The following L3MBTL4 variants were observed in gnomAD, a reference collection of about 807,000 sequenced individuals.
L3MBTL4 encodes the protein L3MBTL histone methyl-lysine binding protein 4, also known as lethal(3)malignant brain tumor-like protein 4.
Under a neutral mutation model 84.5 loss-of-function variants are expected in L3MBTL4, and 70 were observed. That is an observed-to-expected ratio of 0.83 (90% CI 0.68 to 1.01). L3MBTL4 has a LOEUF of 1.01. L3MBTL4 is among the 50% of genes least tolerant of loss of function. The probability of loss-of-function intolerance (pLI) is 0.00; values close to 1 mark genes in which losing one functional copy is unlikely to be tolerated. For missense variants in L3MBTL4, 715 were observed against 754.8 expected, an observed-to-expected ratio of 0.95 and a Z score of 0.62; for synonymous variants, 274 against 259.8, an observed-to-expected ratio of 1.05 and a Z score of -0.52.
At chr18:6,010,556 A>T (rs775330400) in intron 16 of L3MBTL4, among the ~76,000 whole-genome samples, 13 of 152,194 alleles carry the variant, frequency 8.5e-5, no homozygotes, top group Non-Finnish European at 1.8e-4. Flanking sequence ...TTTCTCCTGT[A>T]TGACAGATCT....
intron 1 of L3MBTL4, among the ~76,000 whole-genome samples, chr18:6,413,682 G>T (rs2144782021): frequency 6.6e-6 from 1 of 152,284 alleles, no homozygotes; most frequent in South Asian, 2.1e-4. Context: ...CCAGGAGATG[G>T]GCCACCAGCA....
chr18:6,182,400 GTTGT>G (rs2044515693), intron 12 of L3MBTL4, among the ~76,000 whole-genome samples: 1 of 152,110 alleles, frequency 6.6e-6, no homozygotes, highest in African/African-American at 2.4e-5. Flanking sequence ...TTTTAATGGG[GTTGT>G]TTGATTGTTT....
chr18:6,192,124 G>C (rs1214171608), intron 12 of L3MBTL4, among the ~76,000 whole-genome samples: 2 of 152,182 alleles, frequency 1.3e-5, no homozygotes, highest in African/African-American at 4.8e-5. Flanking sequence ...AAACAACGAA[G>C]AGAATGCGGT....
At chr18:6,362,943 G>GC (rs1170579486) in intron 1 of L3MBTL4, among the ~76,000 whole-genome samples, 2 of 152,260 alleles carry the variant, frequency 1.3e-5, no homozygotes, top group Non-Finnish European at 1.5e-5. Context: ...ATACTCTGAT[G>GC]CCCGCGGAAA....
chr18:6,208,892 CA>C (rs1352444038), intron 12 of L3MBTL4, among the ~76,000 whole-genome samples: 1 of 152,158 alleles, frequency 6.6e-6, no homozygotes, highest in African/African-American at 2.4e-5. Context: ...ACTCAACTGC[CA>C]ATGAACCACA....
chr18:6,368,464 G>A (rs1187597818), intron 1 of L3MBTL4, among the ~76,000 whole-genome samples: 1 of 152,170 alleles, frequency 6.6e-6, no homozygotes, highest in East Asian at 1.9e-4. Context: ...GTAGACAGCT[G>A]CTGAGTGTGT....
intron 16 of L3MBTL4, among the ~76,000 whole-genome samples, chr18:6,061,598 G>C (rs2057222971): frequency 6.6e-6 from 1 of 151,754 alleles, no homozygotes; most frequent in Admixed American, 6.6e-5. Context: ...TTATCTTCTA[G>C]AAATTTTATT....
At chr18:6,131,504 T>C (rs1179524360) in intron 14 of L3MBTL4, among the ~76,000 whole-genome samples, 1 of 152,154 alleles carries the variant, frequency 6.6e-6, no homozygotes, top group Non-Finnish European at 1.5e-5. Flanking sequence ...TAAAGGTACA[T>C]ATCTATGACA....
intron 1 of L3MBTL4, among the ~76,000 whole-genome samples, chr18:6,370,151 A>AAG (rs1229125765): frequency 0.012 from 1,760 of 150,772 alleles, 36 homozygotes; most frequent in African/African-American, 0.041. Context: ...AAAAAAAAAA[A>AAG]AAAGAAAGCA....
chr18:6,126,307 A>G (rs2059692761), intron 14 of L3MBTL4, among the ~76,000 whole-genome samples: 3 of 152,170 alleles, frequency 2.0e-5, no homozygotes, highest in Admixed American at 2.0e-4. Context: ...TATAATTGCA[A>G]TATTTCTAAC....
chr18:5,956,316 G>T lies in L3MBTL4; in HGVS notation c.1749C>A (p.Gly583=), dbSNP rs753781781. The change falls in exon 19 of 19, where the codon GGC becomes GGA. Residue 583 remains glycine (G), a synonymous_variant. Transcript: ENST00000317931. ...DIVKVMKIKL[G]PALKIYNSIL... Reference sequence around the variant, plus strand: ...TAGAGTTGTAAATCTTCAGTGCTGGGCCCAGTTTGATCTTCATCACTTTGA... The same window carrying T: ...TAGAGTTGTAAATCTTCAGTGCTGGTCCCAGTTTGATCTTCATCACTTTGA... The T allele has an allele frequency of 6.2e-7, 1 of 1,614,020 alleles. No homozygotes were observed. The highest frequency in any genetic ancestry group is 8.5e-7 in the Non-Finnish European group (1 of 1,179,930).
At chr18:6,410,722 C>T (rs183735986) in intron 1 of L3MBTL4, among the ~76,000 whole-genome samples, 28 of 152,318 alleles carry the variant, frequency 1.8e-4, no homozygotes, top group Admixed American at 3.3e-4. Flanking sequence ...CGGTCCCCAC[C>T]TGATACTTTT....
At chr18:6,343,026 A>T (rs532725991) in intron 1 of L3MBTL4, among the ~76,000 whole-genome samples, 2 of 152,364 alleles carry the variant, frequency 1.3e-5, no homozygotes, top group South Asian at 4.1e-4. Context: ...GGGTCCATGC[A>T]TCAAGAGGAT....
intron 12 of L3MBTL4, among the ~76,000 whole-genome samples, chr18:6,175,926 T>TA (rs1191642500): frequency 6.6e-6 from 1 of 152,020 alleles, no homozygotes; most frequent in Non-Finnish European, 1.5e-5. Flanking sequence ...CAAAAAAATT[T>TA]AAAAAATATT....
chr18:6,293,104 TAA>T (rs769354754), intron 4 of L3MBTL4, among the ~76,000 whole-genome samples: 5 of 152,170 alleles, frequency 3.3e-5, no homozygotes, highest in Non-Finnish European at 7.4e-5. Flanking sequence ...TCTTCCCAAA[TAA>T]AACATTTTAA....
chr18:6,147,183 A>T (rs1025055899), intron 13 of L3MBTL4, among the ~76,000 whole-genome samples: 2 of 152,084 alleles, frequency 1.3e-5, no homozygotes, highest in Non-Finnish European at 2.9e-5. Flanking sequence ...TTTCCCTGCC[A>T]CCCCACAGGA....
intron 1 of L3MBTL4, chr18:6,395,937 C>T (rs1047815056): frequency 6.6e-6 from 1 of 152,132 alleles, no homozygotes; most frequent in African/African-American, 2.4e-5. Context: ...ACTACTAAAA[C>T]TGTCATATTC....
chr18:6,035,649 T>C (rs1296740125), intron 16 of L3MBTL4, among the ~76,000 whole-genome samples: 1 of 152,186 alleles, frequency 6.6e-6, no homozygotes, highest in African/African-American at 2.4e-5. Context: ...TTTGGTTCCA[T>C]ATGAACTTTA....
chr18:6,009,501 T>C (rs1294415225), intron 16 of L3MBTL4, among the ~76,000 whole-genome samples: 4 of 152,182 alleles, frequency 2.6e-5, no homozygotes, highest in African/African-American at 9.7e-5. Flanking sequence ...CCAGTTTTAG[T>C]ACCACTGCCC....
Sources: gnomAD v4.1 joint callset for allele counts (sites outside exome capture counted in the v4.1 genomes callset) on GRCh38, gnomAD v4.1.1 for gene constraint, MANE v1.5 for transcripts, NCBI Gene and HGNC (gene_info 2026-07-23, HGNC 2026-07-21) for gene names.